The following VTA1 variants were observed in gnomAD, a reference collection of about 807,000 sequenced individuals.
VTA1 encodes vesicle trafficking 1.
VTA1 carries 24 observed loss-of-function variants against 36.9 expected under a neutral mutation model. The observed-to-expected ratio is 0.65, with a 90% CI of 0.47 to 0.91. The LOEUF is 0.91. Among genes scored for constraint, VTA1 ranks in the 40% least tolerant of loss-of-function variants. The probability of loss-of-function intolerance (pLI) is 0.00; values close to 1 mark genes in which losing one functional copy is unlikely to be tolerated. For synonymous variants in VTA1, 142 were observed against 130.2 expected (o/e 1.09, Z -0.62); for missense variants, 393 against 377.2 (o/e 1.04, Z -0.35).
Position 142,219,971 on chromosome 6 carries a change from A to C in VTA1, c.*1328A>C, listed in dbSNP as rs1452765506. 6.6e-6 allele frequency: 1 copy of C among 152,226 alleles called. No homozygotes were observed. The highest frequency in any genetic ancestry group is 1.5e-5 in the Non-Finnish European group (1 of 68,030). The allele number at this position is 152,226 out of a possible 1,614,324, so 9.4% of individuals were successfully genotyped here. ...AACATTTACTATTTGGCCCTCTAAG[A>C]AAAAGTTAAGACACCTAGTCTAATG... On this transcript the variant is annotated 3_prime_UTR_variant, in exon 8 of 8. Transcript: ENST00000367630.
Position 142,204,041 on chromosome 6 carries a change from G to A in VTA1, c.754G>A (p.Ala252Thr), listed in dbSNP as rs143729861. 65 of 1,613,190 alleles carry A rather than the reference G, an allele frequency of 4.0e-5. No homozygotes were observed. Among genetic ancestry groups the A allele is most frequent in the African/African-American group, 1.2e-4 (9 of 74,840 alleles). Residue 252 changes from alanine (A) to threonine (T), a missense_variant, in exon 7 of 8, where the codon GCA becomes ACA. Physicochemically the swap from Ala to Thr is moderately conservative, Grantham distance 58. Transcript: ENST00000367630. Reference protein sequence around the residue: ...TPQTIPAIDPALFNTISQGDV... With the variant: ...TPQTIPAIDPTLFNTISQGDV... The stretch of plus-strand genomic sequence containing the variant: ...ACAGACTATACCTGCCATTGATCCC[G>A]CACTTTTCAATACAATTTCCCAGGG...
chr6:142,210,731 A>G lies in VTA1; in HGVS notation c.778+6666A>G, dbSNP rs547742438. ...CCTAGTTAAAATGGCTCATACCAAA[A>G]GACAGGCATAGAGAACAGTGCAGAG... On this transcript the variant is annotated intron_variant, in intron 7 of 7. Coordinates refer to ENST00000367630, the MANE Select transcript of VTA1 (RefSeq NM_016485.5). 2.6e-5 allele frequency among the ~76,000 whole-genome samples: 4 copies of G among 152,340 alleles called. No individual in the cohort carries two copies. The East Asian group carries it at 5.8e-4, about 22-fold the overall frequency.
At chr6:142,181,094 A>ATATATATATATATATATATAT (rs1554219841) in intron 4 of VTA1, among the ~76,000 whole-genome samples, 25 of 36,426 alleles carry the variant, frequency 6.9e-4, no homozygotes, top group Middle Eastern at 0.045. Context: ...AAAAAAAAAA[A>ATATATATATATATATATATAT]ATATATATAT....
At chr6:142,164,577 G>A (rs1288158948) in intron 1 of VTA1, among the ~76,000 whole-genome samples, 1 of 152,048 alleles carries the variant, frequency 6.6e-6, no homozygotes, top group Non-Finnish European at 1.5e-5. Context: ...TGTTTCGTGT[G>A]TATATTAATT....
intron 1 of VTA1, among the ~76,000 whole-genome samples, chr6:142,163,481 C>A (rs1431095987): frequency 1.3e-5 from 2 of 152,050 alleles, no homozygotes; most frequent in Non-Finnish European, 2.9e-5. Context: ...TATGTTACAA[C>A]TCCTTAGTAA....
chr6:142,217,512 T>C (rs1285598767), intron 7 of VTA1, among the ~76,000 whole-genome samples: 1 of 151,716 alleles, frequency 6.6e-6, no homozygotes, highest in Non-Finnish European at 1.5e-5. Context: ...AATCTTTGCC[T>C]AGGTGATGTC....
Position 142,220,814 on chromosome 6 carries a change from T to G in VTA1, c.*2171T>G, listed in dbSNP as rs1776096357. ...GCAATTTTCATTTATTCCTTCCATA[T>G]ATATTTACTGAATGGCTACTATATG... On this transcript the variant is annotated 3_prime_UTR_variant, in exon 8 of 8. Coordinates refer to ENST00000367630, the MANE Select transcript of VTA1 (RefSeq NM_016485.5). 1 of 152,032 alleles carries G rather than the reference T, an allele frequency of 6.6e-6. No individual in the cohort carries two copies. Among genetic ancestry groups the G allele is most frequent in the Non-Finnish European group, 1.5e-5 (1 of 68,036 alleles). 9.4% of individuals were successfully genotyped at this position (152,032 alleles called of 1,614,324 possible).
chr6:142,192,724 G>T (rs192089615), intron 5 of VTA1, among the ~76,000 whole-genome samples: 6 of 150,670 alleles, frequency 4.0e-5, no homozygotes, highest in African/African-American at 1.5e-4. Flanking sequence ...GTGTGTGTGT[G>T]TGTGTAAAAT....
rs1379700683 is a variant in VTA1, at chr6:142,157,033, G to T, written c.113-9195G>T. Reference sequence around the variant, plus strand: ...ACAAAAATTAGCCGGGCGTGGTAGCGTTTACCTGTAGTCCCAGCTACTCAG... The same window carrying T: ...ACAAAAATTAGCCGGGCGTGGTAGCTTTTACCTGTAGTCCCAGCTACTCAG... On this transcript the variant is annotated intron_variant, in intron 1 of 7. Coordinates refer to ENST00000367630, the MANE Select transcript of VTA1 (RefSeq NM_016485.5). Among the ~76,000 whole-genome samples, 3 of 152,126 alleles carry T rather than the reference G, an allele frequency of 2.0e-5. No homozygotes were observed. The East Asian group carries it at 5.8e-4, about 29-fold the overall frequency.
chr6:142,164,645 G>A (rs1223503327), intron 1 of VTA1, among the ~76,000 whole-genome samples: 1 of 152,124 alleles, frequency 6.6e-6, no homozygotes, highest in Non-Finnish European at 1.5e-5. Flanking sequence ...GAGAGTAACA[G>A]ATATTCAACT....
Position 142,167,887 on chromosome 6 carries a change from A to G in VTA1, c.207+1565A>G, listed in dbSNP as rs570757405. Among the ~76,000 whole-genome samples the G allele has an allele frequency of 2.9e-4, 44 of 152,286 alleles. No individual in the cohort carries two copies. The South Asian group carries it at 8.5e-3, about 29-fold the overall frequency. ...CATAGCAGTATATTTGTAAAATCCA[A>G]CTCTAGCATTTTGTATAGTATAATG... is the stretch of plus-strand genomic sequence containing the variant. On this transcript the variant is annotated intron_variant, in intron 2 of 7. Coordinates refer to ENST00000367630, the MANE Select transcript of VTA1 (RefSeq NM_016485.5).
chr6:142,194,658 T>G (rs1282638661), intron 5 of VTA1, among the ~76,000 whole-genome samples: 5 of 152,168 alleles, frequency 3.3e-5, no homozygotes, highest in Admixed American at 3.3e-4. Context: ...TGTAAATTCC[T>G]TGAGAGTTTG....
intron 5 of VTA1, 116 bp from the exon 6 acceptor site, chr6:142,198,323 C>T (rs935915282): frequency 2.3e-4 from 213 of 939,772 alleles, no homozygotes; most frequent in Non-Finnish European, 2.9e-4. Context: ...TTCTCCACTG[C>T]ATTAAATAGA....
chr6:142,148,174 A>G (rs1247985321), intron 1 of VTA1, among the ~76,000 whole-genome samples: 1 of 152,258 alleles, frequency 6.6e-6, no homozygotes, highest in Non-Finnish European at 1.5e-5. Context: ...CTGGACAATT[A>G]TAATTCTGAA....
chr6:142,199,122 GA>G, intron 6 of VTA1, among the ~76,000 whole-genome samples: 1 of 147,612 alleles, frequency 6.8e-6, no homozygotes, highest in African/African-American at 2.4e-5. Context: ...ATAGACAGGT[GA>G]AAGCAGGGAT....
chr6:142,188,099 G>A (rs1775379551), intron 4 of VTA1, among the ~76,000 whole-genome samples: 2 of 151,128 alleles, frequency 1.3e-5, no homozygotes, highest in South Asian at 4.2e-4. Flanking sequence ...CATAGAGACG[G>A]GGTTTCACCA....
At chr6:142,166,672 T>C (rs225658) in intron 2 of VTA1, among the ~76,000 whole-genome samples, 62,149 of 151,644 alleles carry the variant, frequency 0.41, 13,336 homozygotes, top group Middle Eastern at 0.55. Context: ...TGGAGTGCAT[T>C]GCAGTGGCGT....
At chr6:142,206,122 G>C (rs1396490768) in intron 7 of VTA1, among the ~76,000 whole-genome samples, 2 of 152,054 alleles carry the variant, frequency 1.3e-5, no homozygotes, top group Non-Finnish European at 1.5e-5. Flanking sequence ...AAATAACACT[G>C]TCTTTGTTCA....
At chr6:142,216,137 AC>A (rs1776001456) in intron 7 of VTA1, among the ~76,000 whole-genome samples, 1 of 152,100 alleles carries the variant, frequency 6.6e-6, no homozygotes, top group African/African-American at 2.4e-5. Context: ...GAAAAAAAAA[AC>A]AGCTTTTATT....
Sources: allele counts gnomAD v4.1 joint callset (sites outside exome capture counted in the v4.1 genomes callset), GRCh38; gene constraint gnomAD v4.1.1; transcripts MANE v1.5; gene names NCBI Gene and HGNC (gene_info 2026-07-23, HGNC 2026-07-21).